The following ZNF732 variants were observed in gnomAD, a reference collection of about 807,000 sequenced individuals.
ZNF732 encodes the protein zinc finger protein LOC654254.
A neutral mutation model predicts 11.5 loss-of-function variants in ZNF732; 12 were observed. The observed-to-expected ratio is 1.05, with a 90% confidence interval of 0.67 to 1.70. ZNF732 has a LOEUF of 1.70. Ranked by LOEUF, ZNF732 falls within the 40% of genes most tolerant of loss-of-function variation. The probability of loss-of-function intolerance (pLI) is 0.00; values close to 1 mark genes in which losing one functional copy is unlikely to be tolerated. For synonymous variants in ZNF732, 231 were observed against 236.5 expected (o/e 0.98, Z 0.21); for missense variants, 702 against 676.9 (o/e 1.04, Z -0.41).
chr4:284,833 T>A (rs1719695767), intron 3 of ZNF732, among the ~76,000 whole-genome samples: 1 of 124,890 alleles, frequency 8.0e-6, no homozygotes, highest in Admixed American at 1.1e-4. Context: ...ATCACACCAC[T>A]GCACTCCAGC....
intron 3 of ZNF732, among the ~76,000 whole-genome samples, chr4:283,728 T>C (rs1273551581): frequency 1.3e-5 from 2 of 152,144 alleles, no homozygotes; most frequent in African/African-American, 4.8e-5. Flanking sequence ...ATTGCTTGCA[T>C]AGCACTATAA....
intron 3 of ZNF732, among the ~76,000 whole-genome samples, chr4:290,263 A>G (rs554217464): frequency 6.6e-6 from 1 of 152,378 alleles, no homozygotes; most frequent in Admixed American, 6.5e-5. Context: ...TGGCCAACTC[A>G]AGAGCCCATA....
chr4:277,446 C>T (rs1181582629), intron 3 of ZNF732, among the ~76,000 whole-genome samples: 1 of 151,882 alleles, frequency 6.6e-6, no homozygotes, highest in Non-Finnish European at 1.5e-5. Context: ...ACAATTTAAA[C>T]ATAGGCAAGA....
At chr4:293,091 A>AC in intron 3 of ZNF732, among the ~76,000 whole-genome samples, 1 of 142,630 alleles carries the variant, frequency 7.0e-6, no homozygotes, top group Non-Finnish European at 1.5e-5. Flanking sequence ...AAAAAAAAAA[A>AC]CCAGTAAGAA....
Position 270,904 on chromosome 4 carries a change from T to G in ZNF732, c.*195A>C, listed in dbSNP as rs535698666. The G allele has an allele frequency of 8.3e-6, 6 of 722,136 alleles. No homozygotes were observed. Among genetic ancestry groups the G allele is most frequent in the Middle Eastern group, 2.4e-4 (1 of 4,210 alleles). 44.7% of individuals were successfully genotyped at this position (722,136 alleles called of 1,614,324 possible). ...ATGTTGATTCAGGTATGCGGACTGT[T>G]TGAAGGCTTTCCCACATTCTTTACA... On this transcript the variant is annotated 3_prime_UTR_variant, in exon 4 of 4. Transcript: ENST00000419098.
chr4:300,332 G>A (rs1299108485), intron 1 of ZNF732, among the ~76,000 whole-genome samples: 1 of 151,146 alleles, frequency 6.6e-6, no homozygotes. Context: ...GCATGGTGGT[G>A]GGTGCCTGTA....
In ZNF732 at chr4:296,117, A is replaced by C; in HGVS notation, c.42T>G (p.Ser14=). ...LTFRDVAIEF[S]PEEWKCLDPA... ...GGTCCAGGCATTTCCACTCTTCTGG[A>C]GAGAATTCTATGGCCACATCCCTGA... Residue 14 remains serine (S), a synonymous_variant, in exon 2 of 4, where the codon TCT becomes TCG. Coordinates refer to ENST00000419098, the MANE Select transcript of ZNF732 (RefSeq NM_001137608.3). 1 of 1,613,732 alleles carries C rather than the reference A, an allele frequency of 6.2e-7. No individual in the cohort carries two copies.
chr4:277,330 CAATT>C (rs1243125141), intron 3 of ZNF732, among the ~76,000 whole-genome samples: 9 of 151,224 alleles, frequency 6.0e-5, no homozygotes, highest in Admixed American at 2.6e-4. Flanking sequence ...GTAAAGAAAA[CAATT>C]AACAAAGTGA....
chr4:294,190 T>C (rs184173156), intron 3 of ZNF732, among the ~76,000 whole-genome samples: 70 of 152,294 alleles, frequency 4.6e-4, no homozygotes, highest in African/African-American at 1.4e-3. Context: ...TTAGTACAGA[T>C]GGGATTTTGC....
chr4:279,385 G>A (rs1351409359), intron 3 of ZNF732, among the ~76,000 whole-genome samples: 3 of 151,664 alleles, frequency 2.0e-5, no homozygotes, highest in African/African-American at 7.2e-5. Flanking sequence ...GGCAGAGCTT[G>A]CAGTGAGCCA....
intron 1 of ZNF732, among the ~76,000 whole-genome samples, chr4:304,747 G>T (rs1720192998): frequency 6.6e-6 from 1 of 152,250 alleles, no homozygotes; most frequent in Admixed American, 6.5e-5. Context: ...TGCCACTCAG[G>T]AACAGCCACG....
intron 3 of ZNF732, 56 bp downstream of exon 3, chr4:295,382 C>A: frequency 7.1e-7 from 1 of 1,404,084 alleles, no homozygotes; most frequent in African/African-American, 1.5e-5. Context: ...GGCCTAGCTT[C>A]CTTCTGGACC....
chr4:298,442 G>A (rs1267695521), intron 1 of ZNF732, among the ~76,000 whole-genome samples: 3 of 151,946 alleles, frequency 2.0e-5, no homozygotes, highest in African/African-American at 7.2e-5. Context: ...GAAACCTGGA[G>A]CAACTCTTAT....
At chr4:300,379 C>G (rs1553843426) in intron 1 of ZNF732, among the ~76,000 whole-genome samples, 1 of 145,896 alleles carries the variant, frequency 6.9e-6, no homozygotes, top group African/African-American at 2.6e-5. Flanking sequence ...AGGAGAATCA[C>G]TTGAACTCAG....
chr4:299,569 ATATATATAATT>A (rs1720066698), intron 1 of ZNF732, among the ~76,000 whole-genome samples: 1 of 139,176 alleles, frequency 7.2e-6, no homozygotes, highest in African/African-American at 2.7e-5. Context: ...ATATAGTTTT[ATATATATAATT>A]TATATATAAA....
chr4:277,661 T>G (rs1221000699), intron 3 of ZNF732, among the ~76,000 whole-genome samples: 1 of 151,904 alleles, frequency 6.6e-6, no homozygotes, highest in African/African-American at 2.4e-5. Context: ...TGTAAGTTAG[T>G]AGAGCCATTA....
chr4:301,319 A>G (rs1286596405), intron 1 of ZNF732, among the ~76,000 whole-genome samples: 3 of 152,240 alleles, frequency 2.0e-5, no homozygotes, highest in African/African-American at 7.2e-5. Flanking sequence ...GCGATTCCTC[A>G]GGGATCTAGA....
In ZNF732 at chr4:271,283, G is replaced by A; in HGVS notation, c.1574C>T (p.Thr525Ile). The change falls in exon 4 of 4, where the codon ACT becomes ATT. Residue 525 changes from threonine to isoleucine, a missense_variant. Coordinates refer to ENST00000419098, the MANE Select transcript of ZNF732 (RefSeq NM_001137608.3). ...TYLSKHKKIH[T>I]GEKPYRCEEC... ...TTCACATCTATAAGGTTTCTCTCCA[G>A]TATGAATTTTCTTATGTTTACTCAG... 6.3e-7 allele frequency: 1 copy of A among 1,588,420 alleles called. No individual in the cohort carries two copies. Among genetic ancestry groups the A allele is most frequent in the Non-Finnish European group, 8.6e-7 (1 of 1,166,424 alleles).
chr4:297,936 G>A lies in ZNF732; in HGVS notation c.4-1781C>T, dbSNP rs1042400846. Among the ~76,000 whole-genome samples the A allele has an allele frequency of 1.2e-4, 18 of 152,206 alleles. 1 individual carries two copies. The highest frequency in any genetic ancestry group is 4.1e-4 in the South Asian group (2 of 4,824). On this transcript the variant is annotated intron_variant, in intron 1 of 3. Coordinates refer to ENST00000419098, the MANE Select transcript of ZNF732 (RefSeq NM_001137608.3). ...GCCCTAGACTTCTGTTCTCTATGCC[G>A]CTAAGTTTTTTCAGTTTTGTCTTTT...
Sources: gnomAD v4.1 joint callset for allele counts (sites outside exome capture counted in the v4.1 genomes callset) on GRCh38, gnomAD v4.1.1 for gene constraint, MANE v1.5 for transcripts, NCBI Gene and HGNC (gene_info 2026-07-23, HGNC 2026-07-21) for gene names.